CNTNAP5: variants seen among roughly 807,000 people sequenced by gnomAD.
CNTNAP5 encodes contactin-associated protein-like 5.
A neutral mutation model predicts 150.2 loss-of-function variants in CNTNAP5; 72 were observed. That is an observed-to-expected ratio of 0.48 (90% CI 0.40 to 0.58). CNTNAP5 has a LOEUF of 0.58. CNTNAP5 is among the 20% of genes least tolerant of loss of function. The probability of loss-of-function intolerance (pLI) is 0.00; values close to 1 mark genes in which losing one functional copy is unlikely to be tolerated. For missense variants in CNTNAP5, 1,636 were observed against 1,626.2 expected, an observed-to-expected ratio of 1.01 and a Z score of -0.10; for synonymous variants, 672 against 619.8, an observed-to-expected ratio of 1.08 and a Z score of -1.25.
chr2:124,758,545 C>T (rs1269412186), intron 14 of CNTNAP5, among the ~76,000 whole-genome samples: 1 of 151,744 alleles, frequency 6.6e-6, no homozygotes, highest in Non-Finnish European at 1.5e-5. Context: ...TCCATGGAAA[C>T]TAGCAATTTA....
intron 3 of CNTNAP5, among the ~76,000 whole-genome samples, chr2:124,414,681 A>T (rs1379875974): frequency 6.6e-6 from 1 of 152,066 alleles, no homozygotes; most frequent in African/African-American, 2.4e-5. Flanking sequence ...GCATGCGATC[A>T]AATTTTAAAC....
chr2:124,088,123 T>C lies in CNTNAP5; in HGVS notation c.82+62391T>C, dbSNP rs1186513031. Among the ~76,000 whole-genome samples, 15 of 152,342 alleles carry C rather than the reference T, an allele frequency of 9.8e-5. No individual in the cohort carries two copies. The East Asian group carries it at 2.5e-3, about 25-fold the overall frequency. ...GTCACTGAAGTTCTATTAATTATTC[T>C]TCAGTCTACTTTCTGTTTTTCAGAT... On this transcript the variant is annotated intron_variant, in intron 1 of 23. Transcript: ENST00000682447.
chr2:124,660,958 A>G (rs893380096), intron 13 of CNTNAP5, among the ~76,000 whole-genome samples: 15 of 151,040 alleles, frequency 9.9e-5, no homozygotes, highest in East Asian at 1.9e-4. Context: ...AAAAAAAAAA[A>G]AAAAGAAAAA....
intron 1 of CNTNAP5, among the ~76,000 whole-genome samples, chr2:124,190,145 C>T (rs989140583): frequency 6.6e-6 from 1 of 152,152 alleles, no homozygotes; most frequent in Non-Finnish European, 1.5e-5. Context: ...TCTAAGTACT[C>T]TTAAGGGTGA....
At chr2:124,744,519 G>T (rs1344299983) in intron 13 of CNTNAP5, among the ~76,000 whole-genome samples, 1 of 152,140 alleles carries the variant, frequency 6.6e-6, no homozygotes, top group African/African-American at 2.4e-5. Context: ...GTAACGAGCA[G>T]GAGGGCATGT....
chr2:124,086,099 A>G (rs2104680685), intron 1 of CNTNAP5, among the ~76,000 whole-genome samples: 2 of 141,656 alleles, frequency 1.4e-5, no homozygotes, highest in Middle Eastern at 8.5e-3. Flanking sequence ...GAATTTGTCT[A>G]TTTCTCCTTT....
chr2:124,416,624 T>C (rs905838470), intron 3 of CNTNAP5, among the ~76,000 whole-genome samples: 4 of 152,242 alleles, frequency 2.6e-5, no homozygotes, highest in East Asian at 1.9e-4. Context: ...TACTAGCCAA[T>C]TGGGTGATTT....
chr2:124,330,964 T>C (rs1689336398), intron 3 of CNTNAP5, among the ~76,000 whole-genome samples: 1 of 152,182 alleles, frequency 6.6e-6, no homozygotes, highest in African/African-American at 2.4e-5. Context: ...TTGTTCTACT[T>C]GATGTTGAGT....
intron 6 of CNTNAP5, among the ~76,000 whole-genome samples, chr2:124,467,964 C>T (rs956309473): frequency 2.0e-5 from 3 of 152,012 alleles, no homozygotes; most frequent in Admixed American, 6.6e-5. Context: ...TATGTTGTGA[C>T]GTTCTCTCTG....
Position 124,580,643 on chromosome 2 carries a change from A to G in CNTNAP5, c.1756+17320A>G, listed in dbSNP as rs76926678. 9.3e-3 allele frequency among the ~76,000 whole-genome samples: 1,414 copies of G among 152,308 alleles called. 29 individuals are homozygous for G. Among genetic ancestry groups the G allele is most frequent in the East Asian group, 0.091 (471 of 5,166 alleles). On this transcript the variant is annotated intron_variant, in intron 11 of 23. Coordinates refer to ENST00000682447, the MANE Select transcript of CNTNAP5 (RefSeq NM_001367498.1). ...CTCCTCCTTACAGCCTCCACAATGC[A>G]TAACAGTTACGTTTGGTCATGATGC... is the stretch of plus-strand genomic sequence containing the variant.
chr2:124,467,010 C>T (rs1457057274), intron 6 of CNTNAP5, among the ~76,000 whole-genome samples: 2 of 152,054 alleles, frequency 1.3e-5, no homozygotes, highest in Non-Finnish European at 2.9e-5. Flanking sequence ...AGAAAGAAAG[C>T]AGAAGTGGAA....
intron 13 of CNTNAP5, among the ~76,000 whole-genome samples, chr2:124,716,651 T>A (rs796302293): frequency 3.9e-5 from 6 of 152,216 alleles, no homozygotes; most frequent in African/African-American, 1.4e-4. Flanking sequence ...ACCAAACACC[T>A]ACCATGAGTA....
intron 19 of CNTNAP5, among the ~76,000 whole-genome samples, chr2:124,833,822 A>T (rs1326430306): frequency 1.3e-5 from 2 of 152,154 alleles, no homozygotes; most frequent in African/African-American, 4.8e-5. Context: ...GGCAAGAGCT[A>T]AGGTCATTCA....
chr2:124,075,176 T>C (rs965978513), intron 1 of CNTNAP5, among the ~76,000 whole-genome samples: 1 of 152,108 alleles, frequency 6.6e-6, no homozygotes, highest in Admixed American at 6.6e-5. Context: ...AACTAAAGTG[T>C]TTCATTTCTT....
At chr2:124,131,033 G>A (rs979445691) in intron 1 of CNTNAP5, among the ~76,000 whole-genome samples, 3 of 152,112 alleles carry the variant, frequency 2.0e-5, no homozygotes, top group Non-Finnish European at 2.9e-5. Flanking sequence ...TGTGGAGTTT[G>A]ATTTTTCTGA....
intron 3 of CNTNAP5, among the ~76,000 whole-genome samples, chr2:124,410,529 C>G (rs1691724800): frequency 7.0e-6 from 1 of 143,128 alleles, no homozygotes. Flanking sequence ...AACAAACTAT[C>G]TCTCAGACCA....
At chr2:124,676,368 A>C (rs1678940058) in intron 13 of CNTNAP5, among the ~76,000 whole-genome samples, 1 of 152,226 alleles carries the variant, frequency 6.6e-6, no homozygotes, top group Non-Finnish European at 1.5e-5. Flanking sequence ...TTTACCAGAA[A>C]TATGCTGAAG....
intron 4 of CNTNAP5, among the ~76,000 whole-genome samples, chr2:124,433,938 C>T (rs944430618): frequency 1.3e-5 from 2 of 152,198 alleles, no homozygotes; most frequent in Non-Finnish European, 2.9e-5. Context: ...CATTTGCCCT[C>T]TTTGTTCAAA....
intron 11 of CNTNAP5, among the ~76,000 whole-genome samples, chr2:124,591,977 T>C (rs1418854896): frequency 6.6e-6 from 1 of 152,174 alleles, no homozygotes; most frequent in East Asian, 1.9e-4. Flanking sequence ...ATTAGCATAG[T>C]ATACATGCAT....
Sources: allele counts gnomAD v4.1 joint callset (sites outside exome capture counted in the v4.1 genomes callset), GRCh38; gene constraint gnomAD v4.1.1; transcripts MANE v1.5; gene names NCBI Gene and HGNC (gene_info 2026-07-23, HGNC 2026-07-21).